Variants in NKAIN2 observed in about 807,000 individuals in gnomAD.
The protein encoded by NKAIN2 is sodium/potassium transporting ATPase interacting 2.
A neutral mutation model predicts 32.6 loss-of-function variants in NKAIN2; 14 were observed. The observed-to-expected ratio is 0.43, with a 90% CI of 0.28 to 0.67. The LOEUF (loss-of-function observed/expected upper bound fraction) is 0.67. Among genes scored for constraint, NKAIN2 ranks in the 30% least tolerant of loss-of-function variants. The pLI is 0.17. For synonymous variants in NKAIN2, 80 were observed against 87.2 expected (o/e 0.92, Z 0.46); for missense variants, 198 against 258.3 (o/e 0.77, Z 1.60).
chr6:124,063,390 G>T (rs1783013007), intron 1 of NKAIN2, among the ~76,000 whole-genome samples: 1 of 151,886 alleles, frequency 6.6e-6, no homozygotes, highest in Non-Finnish European at 1.5e-5. Context: ...AGTTAACAGG[G>T]GAATAATAGC....
intron 1 of NKAIN2, among the ~76,000 whole-genome samples, chr6:123,919,093 G>T (rs994646094): frequency 6.6e-6 from 1 of 151,964 alleles, no homozygotes; most frequent in African/African-American, 2.4e-5. Context: ...ACCAACAAAA[G>T]AATTATGTGC....
intron 1 of NKAIN2, among the ~76,000 whole-genome samples, chr6:124,092,213 G>GT (rs910536372): frequency 2.7e-4 from 41 of 151,816 alleles, no homozygotes; most frequent in Admixed American, 4.6e-4. Context: ...ATATTTCGGC[G>GT]TTTTTTTGTC....
chr6:124,287,863 A>G (rs573551599), intron 2 of NKAIN2, among the ~76,000 whole-genome samples: 1 of 152,320 alleles, frequency 6.6e-6, no homozygotes, highest in South Asian at 2.1e-4. Context: ...AGGAATATGT[A>G]GGTTCCTATC....
At position 124,446,377 on chromosome 6, in the gene NKAIN2, C is replaced by A. The variant is rs868276035; in HGVS notation, c.273+91030C>A. Among the ~76,000 whole-genome samples, 9 of 152,060 alleles carry A rather than the reference C, an allele frequency of 5.9e-5. No homozygotes were observed. In the South Asian group the frequency reaches 1.0e-3, roughly 18 times the overall value. ...TGTTTGTTTGAGACAGGGTCTTGCT[C>A]TGTTGCCCAGGCTGGAGTGCAGTGA... is the stretch of plus-strand genomic sequence containing the variant. On this transcript the variant is annotated intron_variant, in intron 3 of 6. Transcript: ENST00000368417.
chr6:124,357,141 A>G (rs1235147921), intron 3 of NKAIN2, among the ~76,000 whole-genome samples: 1 of 152,160 alleles, frequency 6.6e-6, no homozygotes, highest in Non-Finnish European at 1.5e-5. Flanking sequence ...GCAATGAAAC[A>G]GTTGATAATA....
chr6:123,900,139 G>T (rs1774488012), intron 1 of NKAIN2, among the ~76,000 whole-genome samples: 1 of 152,092 alleles, frequency 6.6e-6, no homozygotes, highest in African/African-American at 2.4e-5. Context: ...AACATATGTT[G>T]TCTCACCTTT....
intron 3 of NKAIN2, among the ~76,000 whole-genome samples, chr6:124,640,993 A>G (rs1430999249): frequency 6.6e-6 from 1 of 152,152 alleles, no homozygotes; most frequent in Non-Finnish European, 1.5e-5. Context: ...TTTCTTCTGC[A>G]GTTGAGAGTT....
chr6:124,503,311 G>A lies in NKAIN2; in HGVS notation c.273+147964G>A, dbSNP rs965754952. On this transcript the variant is annotated intron_variant, in intron 3 of 6. Transcript: ENST00000368417. Reference sequence around the variant, plus strand: ...TCTAATTCAAGACTACTACTTTTAGGAATATAACTTGGAAAAAGCTCTTCC... The same window carrying A: ...TCTAATTCAAGACTACTACTTTTAGAAATATAACTTGGAAAAAGCTCTTCC... Among the ~76,000 whole-genome samples, 3 of 152,060 alleles carry A rather than the reference G, an allele frequency of 2.0e-5. No homozygotes were observed. In the East Asian group the frequency reaches 5.8e-4, roughly 29 times the overall value.
intron 1 of NKAIN2, among the ~76,000 whole-genome samples, chr6:124,175,595 A>G (rs1789115246): frequency 6.6e-6 from 1 of 152,182 alleles, no homozygotes; most frequent in African/African-American, 2.4e-5. Flanking sequence ...ATGACTACCC[A>G]CTTAGTAGAT....
chr6:124,422,859 G>A (rs9482557), intron 3 of NKAIN2, among the ~76,000 whole-genome samples: 1 of 152,040 alleles, frequency 6.6e-6, no homozygotes, highest in Non-Finnish European at 1.5e-5. Flanking sequence ...TATGTGTTTG[G>A]GGACTGTTAC....
At chr6:123,931,038 A>C (rs968177523) in intron 1 of NKAIN2, among the ~76,000 whole-genome samples, 3 of 152,042 alleles carry the variant, frequency 2.0e-5, no homozygotes, top group African/African-American at 7.2e-5. Context: ...GTGTTCAGGC[A>C]GTGCAAATAC....
intron 4 of NKAIN2, among the ~76,000 whole-genome samples, chr6:124,724,916 T>A (rs192486931): frequency 1.6e-4 from 25 of 152,344 alleles, no homozygotes; most frequent in Admixed American, 3.3e-4. Context: ...TTCTTCTAGT[T>A]CCAAGTTGAG....
intron 1 of NKAIN2, among the ~76,000 whole-genome samples, chr6:123,919,122 G>C (rs551044610): frequency 2.4e-4 from 37 of 152,144 alleles, no homozygotes; most frequent in African/African-American, 8.9e-4. Context: ...TGGCTTTAGG[G>C]AATTTGTAAT....
chr6:124,311,211 G>A (rs1199582631), intron 2 of NKAIN2, among the ~76,000 whole-genome samples: 1 of 152,142 alleles, frequency 6.6e-6, no homozygotes, highest in Non-Finnish European at 1.5e-5. Flanking sequence ...TCAGTCCAGA[G>A]CAGGGTCTTC....
chr6:124,494,847 G>A (rs1030232980), intron 3 of NKAIN2, among the ~76,000 whole-genome samples: 3 of 151,940 alleles, frequency 2.0e-5, no homozygotes, highest in Admixed American at 6.6e-5. Context: ...CAGAAAAAAC[G>A]AAAGCAAGCA....
chr6:124,064,714 G>A (rs1783081905), intron 1 of NKAIN2, among the ~76,000 whole-genome samples: 2 of 152,112 alleles, frequency 1.3e-5, no homozygotes, highest in Admixed American at 6.6e-5. Flanking sequence ...TAATTATAGT[G>A]TCGTTTTTGT....
At chr6:124,570,932 C>T (rs1021667691) in intron 3 of NKAIN2, among the ~76,000 whole-genome samples, 1 of 152,074 alleles carries the variant, frequency 6.6e-6, no homozygotes, top group Non-Finnish European at 1.5e-5. Context: ...GATGTTATAC[C>T]CTGCAAAGCC....
At chr6:124,817,279 A>G (rs1781207893) in intron 5 of NKAIN2, among the ~76,000 whole-genome samples, 2 of 151,932 alleles carry the variant, frequency 1.3e-5, no homozygotes, top group African/African-American at 2.4e-5. Context: ...CGTTAGTATC[A>G]GTGTATTTTA....
At chr6:123,941,654 A>T (rs946309413) in intron 1 of NKAIN2, among the ~76,000 whole-genome samples, 6 of 152,036 alleles carry the variant, frequency 3.9e-5, no homozygotes, top group Non-Finnish European at 1.5e-5. Flanking sequence ...GCACAGCAGC[A>T]TCAAGCAAAA....
Sources: gnomAD v4.1 joint callset for allele counts (sites outside exome capture counted in the v4.1 genomes callset) on GRCh38, gnomAD v4.1.1 for gene constraint, MANE v1.5 for transcripts, NCBI Gene and HGNC (gene_info 2026-07-23, HGNC 2026-07-21) for gene names.